Variants in CMSS1 observed in about 807,000 individuals in gnomAD.
The protein encoded by CMSS1 is protein CMSS1.
A neutral mutation model predicts 43.5 loss-of-function variants in CMSS1; 33 were observed. The ratio of observed to expected loss-of-function variants is 0.76; its 90% confidence interval spans 0.57 to 1.01. The LOEUF (loss-of-function observed/expected upper bound fraction) is 1.01, where lower values mean the gene tolerates loss of function less well. CMSS1 is among the 50% of genes least tolerant of loss of function. The probability of loss-of-function intolerance (pLI) is 0.00; values close to 1 mark genes in which losing one functional copy is unlikely to be tolerated. For synonymous variants in CMSS1, 115 were observed against 117.2 expected (o/e 0.98, Z 0.12); for missense variants, 313 against 326.4 (o/e 0.96, Z 0.32).
At chr3:99,978,906 G>A (rs556701642) in intron 1 of CMSS1, among the ~76,000 whole-genome samples, 1 of 152,134 alleles carries the variant, frequency 6.6e-6, no homozygotes, top group African/African-American at 2.4e-5. Context: ...AGAAGCAGAA[G>A]TAGGGAGTAG....
chr3:100,009,774 A>G (rs1710091352), intron 1 of CMSS1, among the ~76,000 whole-genome samples: 1 of 152,246 alleles, frequency 6.6e-6, no homozygotes, highest in South Asian at 2.1e-4. Flanking sequence ...TCTCTCTCTT[A>G]GTAACCAGAG....
chr3:99,941,859 G>A (rs1474713315), intron 1 of CMSS1, among the ~76,000 whole-genome samples: 1 of 152,166 alleles, frequency 6.6e-6, no homozygotes, highest in Non-Finnish European at 1.5e-5. Context: ...GGGGATGAAT[G>A]AGATAAAACC....
intron 1 of CMSS1, among the ~76,000 whole-genome samples, chr3:99,983,416 A>ATATATATATATATATATG (rs1553702725): frequency 1.0e-5 from 1 of 96,954 alleles, no homozygotes; most frequent in African/African-American, 4.3e-5. Context: ...ATATATATAT[A>ATATATATATATATATATG]TATGTATGTA....
Position 99,817,896 on chromosome 3 carries a change from G to C in CMSS1, c.-84G>C. The C allele has an allele frequency of 6.9e-7, 1 of 1,453,052 alleles. No individual in the cohort carries two copies. Among genetic ancestry groups the C allele is most frequent in the Non-Finnish European group, 9.6e-7 (1 of 1,042,982 alleles). 90.0% of individuals were successfully genotyped at this position (1,453,052 alleles called of 1,614,324 possible). A position where few individuals can be genotyped will look rare whatever the true frequency, so the allele number is the denominator to read the frequency against. ...CGGGAGCTCCGCGTGTAGCTACGCC[G>C]GCCGCCTGGCTTTGAGACAACGTGA... On this transcript the variant is annotated 5_prime_UTR_variant, in exon 1 of 10. Coordinates refer to ENST00000421999, the MANE Select transcript of CMSS1 (RefSeq NM_032359.4).
At chr3:99,883,576 A>G (rs1235669145) in intron 1 of CMSS1, among the ~76,000 whole-genome samples, 1 of 152,166 alleles carries the variant, frequency 6.6e-6, no homozygotes, top group Non-Finnish European at 1.5e-5. Context: ...CAACCATATC[A>G]CACTGTTGAG....
At chr3:99,877,564 G>A (rs1705575881) in intron 1 of CMSS1, among the ~76,000 whole-genome samples, 2 of 152,168 alleles carry the variant, frequency 1.3e-5, no homozygotes, top group Non-Finnish European at 2.9e-5. Context: ...ACTAAGAGAT[G>A]TGAATTACAC....
chr3:100,056,844 A>G (rs2065472545), intron 1 of CMSS1, among the ~76,000 whole-genome samples: 1 of 152,150 alleles, frequency 6.6e-6, no homozygotes, highest in Admixed American at 6.5e-5. Flanking sequence ...CTCTACTAAA[A>G]ATACAAAAAA....
intron 1 of CMSS1, among the ~76,000 whole-genome samples, chr3:99,875,801 A>C (rs1233166337): frequency 6.6e-6 from 1 of 152,172 alleles, no homozygotes; most frequent in Non-Finnish European, 1.5e-5. Context: ...TGTGTAGCTC[A>C]CTTGGAAAGC....
At chr3:100,122,040 A>T (rs1181407077) in intron 1 of CMSS1, among the ~76,000 whole-genome samples, 3 of 152,174 alleles carry the variant, frequency 2.0e-5, no homozygotes, top group Non-Finnish European at 4.4e-5. Flanking sequence ...GAAAGATAAG[A>T]ATTATGCAAG....
chr3:100,001,338 A>G lies in CMSS1; in HGVS notation c.65-145635A>G, dbSNP rs893597379. Among the ~76,000 whole-genome samples the G allele has an allele frequency of 5.3e-5, 8 of 152,350 alleles. No homozygotes were observed. The South Asian group carries it at 1.7e-3, about 32-fold the overall frequency. On this transcript the variant is annotated intron_variant, in intron 1 of 9. Transcript: ENST00000421999. ...ATCGCTGTTTCTGTGACGCAGTGTC[A>G]GAGGTGAGTAGCTGCGACAGAGATC...
In CMSS1 at chr3:99,965,780, G is replaced by C. The variant is rs969054162; in HGVS notation, c.64+147737G>C. 7.9e-5 allele frequency among the ~76,000 whole-genome samples: 12 copies of C among 152,314 alleles called. No individual in the cohort carries two copies. In the South Asian group the frequency reaches 1.0e-3, roughly 13 times the overall value. ...GTTACCAGATGGAGGTCATTAGGGG[G>C]AGGGTGTTAAATGAAAATGCTTTAT... On this transcript the variant is annotated intron_variant, in intron 1 of 9. Coordinates refer to ENST00000421999, the MANE Select transcript of CMSS1 (RefSeq NM_032359.4).
At chr3:99,889,520 C>A (rs963135131) in intron 1 of CMSS1, among the ~76,000 whole-genome samples, 1 of 151,918 alleles carries the variant, frequency 6.6e-6, no homozygotes, top group Non-Finnish European at 1.5e-5. Context: ...GTTAAAATTG[C>A]TTTAATCCAG....
At chr3:100,019,437 TTAA>T (rs1166205419) in intron 1 of CMSS1, among the ~76,000 whole-genome samples, 1 of 152,154 alleles carries the variant, frequency 6.6e-6, no homozygotes, top group African/African-American at 2.4e-5. Flanking sequence ...TGATTGAAAA[TTAA>T]TAATAAGTGA....
intron 1 of CMSS1, among the ~76,000 whole-genome samples, chr3:100,037,214 CT>C (rs2065122446): frequency 6.6e-6 from 1 of 151,620 alleles, no homozygotes; most frequent in African/African-American, 2.4e-5. Context: ...TTTCTTTATT[CT>C]TAGGAAAATA....
At chr3:100,025,442 C>T (rs2064901599) in intron 1 of CMSS1, 1 of 152,010 alleles carries the variant, frequency 6.6e-6, no homozygotes, top group South Asian at 2.1e-4. Flanking sequence ...GTCTTCCTTC[C>T]CCACCCACTT....
In CMSS1 at chr3:99,887,712, A is replaced by G. The variant is rs1705953402; in HGVS notation, c.64+69669A>G. Among the ~76,000 whole-genome samples, 3 of 152,356 alleles carry G rather than the reference A, an allele frequency of 2.0e-5. No homozygotes were observed. The South Asian group carries it at 6.2e-4, about 32-fold the overall frequency. ...ATATGAAATGGAACTGGGAATACCC[A>G]GATATACATATAATATAGATATGGA... On this transcript the variant is annotated intron_variant, in intron 1 of 9. Coordinates refer to ENST00000421999, the MANE Select transcript of CMSS1 (RefSeq NM_032359.4).
chr3:100,106,461 G>T (rs1322716647), intron 1 of CMSS1, among the ~76,000 whole-genome samples: 1 of 152,092 alleles, frequency 6.6e-6, no homozygotes, highest in Non-Finnish European at 1.5e-5. Flanking sequence ...CAGAAATGAG[G>T]GTAATGGTGG....
At chr3:99,887,987 A>G (rs950522161) in intron 1 of CMSS1, among the ~76,000 whole-genome samples, 21 of 152,000 alleles carry the variant, frequency 1.4e-4, no homozygotes, top group Non-Finnish European at 1.9e-4. Flanking sequence ...CAAGCAATCC[A>G]TCCACCTTGG....
intron 1 of CMSS1, among the ~76,000 whole-genome samples, chr3:100,117,774 G>A (rs747201153): frequency 1.4e-5 from 2 of 138,456 alleles, no homozygotes; most frequent in East Asian, 4.2e-4. Context: ...CATCACAATA[G>A]CCAAAAGGTG....
Sources: allele counts gnomAD v4.1 joint callset (sites outside exome capture counted in the v4.1 genomes callset), GRCh38; gene constraint gnomAD v4.1.1; transcripts MANE v1.5; gene names NCBI Gene and HGNC (gene_info 2026-07-23, HGNC 2026-07-21).